NKAIN3: variants seen among roughly 807,000 people sequenced by gnomAD.
NKAIN3 encodes sodium/potassium transporting ATPase interacting 3.
A neutral mutation model predicts 30.2 loss-of-function variants in NKAIN3; 25 were observed. The ratio of observed to expected loss-of-function variants is 0.83; its 90% CI spans 0.60 to 1.16. The LOEUF (loss-of-function observed/expected upper bound fraction) is 1.16. Ranked by LOEUF, NKAIN3 falls within the 50% of genes most tolerant of loss-of-function variation. NKAIN3 has a pLI of 0.00. For synonymous variants in NKAIN3, 91 were observed against 89.6 expected (o/e 1.02, Z -0.09); for missense variants, 225 against 254.1 (o/e 0.89, Z 0.78).
At chr8:62,882,047 G>A (rs1199237991) in intron 4 of NKAIN3, among the ~76,000 whole-genome samples, 3 of 152,066 alleles carry the variant, frequency 2.0e-5, no homozygotes, top group Non-Finnish European at 4.4e-5. Flanking sequence ...TGTATATCTT[G>A]TTTGGTGAGC....
chr8:62,807,790 C>CAT (rs774432613), intron 4 of NKAIN3, among the ~76,000 whole-genome samples: 322 of 145,932 alleles, frequency 2.2e-3, no homozygotes, highest in African/African-American at 3.1e-3. Context: ...AAAATACATA[C>CAT]ATATATATAT....
At chr8:62,431,112 T>C (rs892910731) in intron 1 of NKAIN3, among the ~76,000 whole-genome samples, 7 of 151,938 alleles carry the variant, frequency 4.6e-5, no homozygotes, top group African/African-American at 1.7e-4. Flanking sequence ...TTAATATTAC[T>C]TGGAAACCAT....
At chr8:62,273,975 G>A (rs1812851670) in intron 1 of NKAIN3, among the ~76,000 whole-genome samples, 1 of 152,120 alleles carries the variant, frequency 6.6e-6, no homozygotes, top group Non-Finnish European at 1.5e-5. Context: ...AACATTCCAA[G>A]ATTTAGTAAC....
At chr8:62,263,977 A>G (rs886340624) in intron 1 of NKAIN3, among the ~76,000 whole-genome samples, 3 of 152,222 alleles carry the variant, frequency 2.0e-5, no homozygotes, top group Non-Finnish European at 2.9e-5. Flanking sequence ...TAAGCTGTAA[A>G]TATTGGAATG....
chr8:62,991,329 T>TA (rs1324039142), intron 5 of NKAIN3, among the ~76,000 whole-genome samples: 1 of 152,196 alleles, frequency 6.6e-6, no homozygotes, highest in East Asian at 1.9e-4. Context: ...TCTTTGGGTA[T>TA]AAAATCCCAG....
At chr8:62,396,483 T>TTCC (rs1344846735) in intron 1 of NKAIN3, among the ~76,000 whole-genome samples, 10 of 152,228 alleles carry the variant, frequency 6.6e-5, no homozygotes, top group Admixed American at 6.5e-4. Flanking sequence ...TTCTCAGATA[T>TTCC]TCCTTGTATT....
chr8:62,919,586 T>C (rs1822215644), intron 5 of NKAIN3, among the ~76,000 whole-genome samples: 1 of 152,178 alleles, frequency 6.6e-6, no homozygotes, highest in Non-Finnish European at 1.5e-5. Context: ...TTTAATTTAC[T>C]TTCAAAAAAT....
intron 1 of NKAIN3, among the ~76,000 whole-genome samples, chr8:62,534,863 T>TTG (rs1320088643): frequency 6.6e-6 from 1 of 151,312 alleles, no homozygotes; most frequent in Non-Finnish European, 1.5e-5. Flanking sequence ...ATTTATTGGT[T>TTG]TTTTTTTTTT....
At chr8:62,943,707 A>G (rs1823037599) in intron 5 of NKAIN3, among the ~76,000 whole-genome samples, 1 of 149,330 alleles carries the variant, frequency 6.7e-6, no homozygotes, top group Non-Finnish European at 1.5e-5. Flanking sequence ...GTGTATATAT[A>G]TAAAGAAAAT....
chr8:62,251,083 A>G (rs1007093034), intron 1 of NKAIN3, among the ~76,000 whole-genome samples: 1 of 152,204 alleles, frequency 6.6e-6, no homozygotes, highest in Non-Finnish European at 1.5e-5. Flanking sequence ...TTGATAATAC[A>G]TAACATTTGC....
intron 1 of NKAIN3, among the ~76,000 whole-genome samples, chr8:62,456,840 G>C (rs1335645232): frequency 6.6e-6 from 1 of 152,214 alleles, no homozygotes; most frequent in African/African-American, 2.4e-5. Context: ...TAATCCTAAT[G>C]CACCCAGCCT....
chr8:62,713,013 G>C (rs1814771267), intron 3 of NKAIN3, among the ~76,000 whole-genome samples: 4 of 152,236 alleles, frequency 2.6e-5, no homozygotes, highest in Admixed American at 2.0e-4. Context: ...CAGTGGGAGT[G>C]TGTGTTCGGT....
intron 3 of NKAIN3, among the ~76,000 whole-genome samples, chr8:62,624,265 T>C (rs987529060): frequency 1.3e-5 from 2 of 151,990 alleles, no homozygotes; most frequent in African/African-American, 4.8e-5. Flanking sequence ...TGAGTAAGAA[T>C]GCCTAACCTC....
chr8:62,319,463 G>A (rs186840745), intron 1 of NKAIN3, among the ~76,000 whole-genome samples: 2 of 151,680 alleles, frequency 1.3e-5, no homozygotes, highest in Admixed American at 6.6e-5. Flanking sequence ...TCTCTTGTGG[G>A]CATTTAGTGC....
chr8:62,678,112 G>C (rs1431017145), intron 3 of NKAIN3, among the ~76,000 whole-genome samples: 1 of 152,166 alleles, frequency 6.6e-6, no homozygotes, highest in Non-Finnish European at 1.5e-5. Flanking sequence ...GTTATTTTGA[G>C]TGGCTAAAAA....
intron 1 of NKAIN3, among the ~76,000 whole-genome samples, chr8:62,411,718 A>C (rs1331978693): frequency 1.3e-5 from 2 of 152,184 alleles, no homozygotes; most frequent in African/African-American, 4.8e-5. Flanking sequence ...TTCAGGTTAC[A>C]AGACAGTGTA....
At chr8:62,252,465 C>A (rs1034783164) in intron 1 of NKAIN3, among the ~76,000 whole-genome samples, 4 of 152,196 alleles carry the variant, frequency 2.6e-5, no homozygotes, top group Non-Finnish European at 5.9e-5. Context: ...AAGCTAGTAT[C>A]TGTGGATGAG....
intron 4 of NKAIN3, among the ~76,000 whole-genome samples, chr8:62,890,176 C>T (rs983138772): frequency 6.6e-6 from 1 of 152,168 alleles, no homozygotes; most frequent in Non-Finnish European, 1.5e-5. Context: ...GATAAGCTCC[C>T]TTGGAAGGAT....
intron 4 of NKAIN3, among the ~76,000 whole-genome samples, chr8:62,899,610 AG>A (rs1283891052): frequency 6.6e-6 from 1 of 152,146 alleles, no homozygotes; most frequent in Non-Finnish European, 1.5e-5. Context: ...GGGTTAGAGG[AG>A]CTGGGGATGG....
Sources: allele counts gnomAD v4.1 joint callset (sites outside exome capture counted in the v4.1 genomes callset), GRCh38; gene constraint gnomAD v4.1.1; transcripts MANE v1.5; gene names NCBI Gene and HGNC (gene_info 2026-07-23, HGNC 2026-07-21).